The following DUOX1 variants were observed in gnomAD, a reference collection of about 807,000 sequenced individuals.
DUOX1 encodes dual oxidase 1.
In DUOX1, 134 loss-of-function variants were observed where a neutral mutation model predicts 181.8. That is an observed-to-expected ratio of 0.74 (90% CI 0.64 to 0.85). The LOEUF (loss-of-function observed/expected upper bound fraction) is 0.85. Ranked by LOEUF, DUOX1 falls within the 40% of genes least tolerant of loss-of-function variation. The pLI, the probability that DUOX1 is intolerant of heterozygous loss-of-function variation, is 0.00. For missense variants in DUOX1, 1,814 were observed against 2,064.4 expected (o/e 0.88, Z 2.35); for synonymous variants, 798 against 832.5 (o/e 0.96, Z 0.71).
intron 10 of DUOX1, 31 bp from the exon 11 acceptor site, chr15:45,139,035 C>T: frequency 2.5e-6 from 4 of 1,599,370 alleles, no homozygotes; most frequent in South Asian, 1.1e-5. Flanking sequence ...ATTAACCACA[C>T]CCCTTTCCTC....
intron 13 of DUOX1, 63 bp from the exon 14 acceptor site, chr15:45,141,229 C>G: frequency 6.3e-7 from 1 of 1,588,330 alleles, no homozygotes; most frequent in Non-Finnish European, 8.6e-7. Context: ...GTCCTTGGGC[C>G]TGGGGTTGCT....
chr15:45,149,324 G>A (rs1223073834), intron 21 of DUOX1, among the ~76,000 whole-genome samples: 2 of 152,166 alleles, frequency 1.3e-5, no homozygotes, highest in African/African-American at 4.8e-5. Context: ...TCCTGATTCT[G>A]CAGCTTTTTA....
chr15:45,144,104 C>T lies in DUOX1; in HGVS notation c.2005C>T (p.Arg669Cys), dbSNP rs777277899. The change falls in exon 17 of 34, where the codon CGT (arginine) becomes TGT (cysteine). Residue 669 changes from arginine to cysteine, a missense_variant. Around this residue, in one of 5 missense-constraint regions of DUOX1, gnomAD observed 1,064 missense variants for 1,152.9 expected, o/e 0.92. Coordinates refer to ENST00000389037, the MANE Select transcript of DUOX1 (RefSeq NM_175940.3). ...VLVYLQPGQI[R>C]VVDGRLTVLR... ...TGTGTACCTGCAGCCCGGGCAGATCCGTGTGGTAGATGGCAGGCTCACCGT... is the reference window on the plus strand; with the variant it reads ...TGTGTACCTGCAGCCCGGGCAGATCTGTGTGGTAGATGGCAGGCTCACCGT... 6.8e-6 allele frequency: 11 copies of T among 1,614,050 alleles called. No individual in the cohort carries two copies. The highest frequency in any genetic ancestry group is 1.6e-4 in the Middle Eastern group (1 of 6,062).
intron 24 of DUOX1, 88 bp downstream of exon 24, chr15:45,152,140 C>A: frequency 6.6e-7 from 1 of 1,524,074 alleles, no homozygotes; most frequent in Non-Finnish European, 8.9e-7. Context: ...AGTGCCAGCC[C>A]TGGGTAGGGT....
rs374368803 is a variant in DUOX1 at position 45,145,093 on chromosome 15, G to A, written c.2322+13G>A. The A allele has an allele frequency of 1.9e-6, 3 of 1,583,178 alleles. No homozygotes were observed. Among genetic ancestry groups the A allele is most frequent in the Non-Finnish European group, 2.6e-6 (3 of 1,165,422 alleles). ...CCTTTTCTCCCAGGTGTGTACATGG[G>A]ACCAGATCAATCCTTATGCTGTGGT... On this transcript the variant is annotated intron_variant, in intron 18 of 33. Transcript: ENST00000389037.
At chr15:45,133,517 G>A (rs1366317632) in intron 2 of DUOX1, among the ~76,000 whole-genome samples, 1 of 152,114 alleles carries the variant, frequency 6.6e-6, no homozygotes, top group Non-Finnish European at 1.5e-5. Context: ...TCAGGGAGCT[G>A]AAGTTTAAGG....
At position 45,151,164 on chromosome 15, in the gene DUOX1, T is replaced by C. The variant is rs763925131; in HGVS notation, c.2930T>C (p.Ile977Thr). ...RVSARCSRSD[I>T]ETELTPQRLQ... Reference sequence around the variant, plus strand: ...AGTGCCCGCTGTTCCCGCAGCGACATTGAGACTGAGTTGACACCTCAGAGA... The same window carrying C: ...AGTGCCCGCTGTTCCCGCAGCGACACTGAGACTGAGTTGACACCTCAGAGA... The change falls in exon 23 of 34, where the codon ATT (isoleucine) becomes ACT (threonine). Residue 977 changes from isoleucine (I) to threonine (T), a missense_variant. Physicochemically the swap from Ile to Thr is moderately conservative, Grantham distance 89. Transcript: ENST00000389037. 7.4e-6 allele frequency: 12 copies of C among 1,614,038 alleles called. No homozygotes were observed. The highest frequency in any genetic ancestry group is 1.0e-5 in the Non-Finnish European group (12 of 1,180,032).
At position 45,142,035 on chromosome 15, in the gene DUOX1, C is replaced by T; in HGVS notation, c.1745C>T (p.Ser582Phe). 4 of 1,614,026 alleles carry T rather than the reference C, an allele frequency of 2.5e-6. No individual in the cohort carries two copies. The highest frequency in any genetic ancestry group is 3.4e-6 in the Non-Finnish European group (4 of 1,180,030). The change falls in exon 15 of 34, where the codon TCT (serine) becomes TTT (phenylalanine). Residue 582 changes from serine to phenylalanine, a missense_variant. By Grantham distance (155) the Ser-to-Phe change is radical (BLOSUM62 -2). This residue lies in a region of DUOX1 where 1,064 missense variants were observed against 1,152.9 expected (regional missense o/e 0.92). Coordinates refer to ENST00000389037, the MANE Select transcript of DUOX1 (RefSeq NM_175940.3). ...GAAGGCCTGCCAGCGTGTGCTCCCT[C>T]TGTTGTTCGTGACTATTTTGAGGGC... Reference protein sequence around the residue: ...STEGLPACAPSVVRDYFEGSG... With the variant: ...STEGLPACAPFVVRDYFEGSG...
chr15:45,143,124 A>C, intron 15 of DUOX1, 66 bp from the exon 16 acceptor site: 1 of 1,255,844 alleles, frequency 8.0e-7, no homozygotes, highest in Non-Finnish European at 1.2e-6. Context: ...TAAGGAGCTG[A>C]GAAAGGAGCT....
chr15:45,156,751 C>T (rs1030758399), intron 28 of DUOX1, among the ~76,000 whole-genome samples: 1 of 152,092 alleles, frequency 6.6e-6, no homozygotes, highest in African/African-American at 2.4e-5. Flanking sequence ...ATTTTTAAGA[C>T]TCTACCTATC....
Position 45,145,045 on chromosome 15 carries a change from C to T in DUOX1, c.2287C>T (p.Leu763Phe), listed in dbSNP as rs781067078. The T allele has an allele frequency of 1.2e-6, 2 of 1,610,876 alleles. No homozygotes were observed. The highest frequency in any genetic ancestry group is 2.2e-5 in the South Asian group (2 of 90,572). Residue 763 changes from leucine to phenylalanine, a missense_variant, in exon 18 of 34, where the codon CTC becomes TTC. Leu to Phe is a conservative substitution (Grantham distance 22). Around this residue, in one of 5 missense-constraint regions of DUOX1, gnomAD observed 1,064 missense variants for 1,152.9 expected, o/e 0.92. Coordinates refer to ENST00000389037, the MANE Select transcript of DUOX1 (RefSeq NM_175940.3). ...TGTGACACGGGAGCAGCGGAGGCAC[C>T]TCCTGGAGACCTTTTTCAGGCACCT... is the stretch of plus-strand genomic sequence containing the variant. ...AAVTREQRRH[L>F]LETFFRHLFS...
At chr15:45,161,356 T>C (rs1595597660) in intron 29 of DUOX1, among the ~76,000 whole-genome samples, 1 of 131,026 alleles carries the variant, frequency 7.6e-6, no homozygotes, top group Admixed American at 8.7e-5. Context: ...TAGGCAGAGG[T>C]TGCAGTGAGC....
intron 9 of DUOX1, among the ~76,000 whole-genome samples, chr15:45,136,949 T>A (rs934353856): frequency 2.0e-5 from 3 of 152,090 alleles, no homozygotes; most frequent in African/African-American, 7.2e-5. Context: ...CATTTTTAGC[T>A]ATAATCACAG....
At chr15:45,148,119 A>G in intron 20 of DUOX1, 122 bp downstream of exon 20, 1 of 1,424,268 alleles carries the variant, frequency 7.0e-7, no homozygotes, top group Admixed American at 1.8e-5. Flanking sequence ...CCATGTAACC[A>G]GAGGCTGTTC....
In DUOX1 at chr15:45,161,918, T is replaced by G. The variant is rs1897113209; in HGVS notation, c.4037T>G (p.Leu1346Arg). 6.2e-7 allele frequency: 1 copy of G among 1,611,980 alleles called. No individual in the cohort carries two copies. The highest frequency in any genetic ancestry group is 8.5e-7 in the Non-Finnish European group (1 of 1,179,404). The change falls in exon 30 of 34, where the codon CTC (leucine) becomes CGC (arginine). Residue 1346 changes from leucine to arginine, a missense_variant. This residue lies in a region of DUOX1 where 279 missense variants were observed against 381.9 expected (regional missense o/e 0.73). Coordinates refer to ENST00000389037, the MANE Select transcript of DUOX1 (RefSeq NM_175940.3). The stretch of plus-strand genomic sequence containing the variant: ...GCAGCAGGGCCCTGGACCACTCGCC[T>G]CAGGGAGATCTACTCAGCCCCGACG... ...IRAAGPWTTR[L>R]REIYSAPTGD...
rs1896289054 is a variant in DUOX1 at position 45,135,620 on chromosome 15, C to G, written c.642C>G (p.Leu214=). The part of the protein sequence containing the change: ...AFPRDSQNPL[L]MWAAPDPATG... ...CCCGAGACTCGCAGAACCCCCTGCT[C>G]ATGTGGGCGGCGCCCGACCCCGCCA... The change falls in exon 6 of 34, where the codon CTC becomes CTG. Residue 214 remains leucine (L), a synonymous_variant. Transcript: ENST00000389037. 1 of 1,556,648 alleles carries G rather than the reference C, an allele frequency of 6.4e-7. No individual in the cohort carries two copies. Among genetic ancestry groups the G allele is most frequent in the Admixed American group, 1.9e-5 (1 of 52,198 alleles).
chr15:45,143,400 T>C, intron 16 of DUOX1, 97 bp downstream of exon 16: 1 of 958,080 alleles, frequency 1.0e-6, no homozygotes, highest in South Asian at 1.5e-5. Context: ...AAGGCCTCCC[T>C]TTTCTAGGAC....
At chr15:45,151,827 T>C (rs570902023) in intron 23 of DUOX1, 47 bp from the exon 24 acceptor site, 13 of 1,568,316 alleles carry the variant, frequency 8.3e-6, no homozygotes, top group South Asian at 3.5e-5. Context: ...CCCACTAGCG[T>C]TGGGTCCCAT....
chr15:45,152,559 C>T, intron 25 of DUOX1, 43 bp downstream of exon 25: 2 of 1,530,260 alleles, frequency 1.3e-6, no homozygotes, highest in Non-Finnish European at 1.8e-6. Context: ...GGGCCTCCCG[C>T]CCCCGCTGAC....
Sources: allele counts gnomAD v4.1 joint callset (sites outside exome capture counted in the v4.1 genomes callset), GRCh38; gene constraint gnomAD v4.1.1; regional missense constraint gnomAD v4.1.1; transcripts MANE v1.5; gene names NCBI Gene and HGNC (gene_info 2026-07-23, HGNC 2026-07-21).